RSRC1: variants seen among roughly 807,000 people sequenced by gnomAD.
The protein encoded by RSRC1 is arginine and serine rich coiled-coil 1, also known as serine/Arginine-related protein 53.
Under a neutral mutation model 49.1 loss-of-function variants are expected in RSRC1, and 39 were observed. The observed-to-expected ratio is 0.79, with a 90% CI of 0.61 to 1.04. The LOEUF is 1.04. Among genes scored for constraint, RSRC1 ranks in the 50% least tolerant of loss-of-function variants. The probability of loss-of-function intolerance (pLI) is 0.00; values close to 1 mark genes in which losing one functional copy is unlikely to be tolerated. For missense variants in RSRC1, 388 were observed against 402.4 expected, an observed-to-expected ratio of 0.96 and a Z score of 0.31; for synonymous variants, 143 against 130.8, an observed-to-expected ratio of 1.09 and a Z score of -0.63.
At chr3:158,221,429 A>G (rs1161287438) in intron 4 of RSRC1, among the ~76,000 whole-genome samples, 1 of 151,470 alleles carries the variant, frequency 6.6e-6, no homozygotes, top group Non-Finnish European at 1.5e-5. Flanking sequence ...GGTATGCAGT[A>G]TGCCGATGCT....
intron 3 of RSRC1, among the ~76,000 whole-genome samples, chr3:158,125,570 T>C (rs977939876): frequency 2.0e-5 from 3 of 152,226 alleles, no homozygotes; most frequent in Non-Finnish European, 4.4e-5. Context: ...CATTTCTTTG[T>C]GTTTCGAAAA....
intron 6 of RSRC1, among the ~76,000 whole-genome samples, chr3:158,369,833 G>A (rs1242862457): frequency 6.6e-6 from 1 of 152,040 alleles, no homozygotes; most frequent in East Asian, 1.9e-4. Flanking sequence ...TCCAAGACCT[G>A]TGAATTCAAT....
intron 7 of RSRC1, among the ~76,000 whole-genome samples, chr3:158,486,018 T>C (rs1440306086): frequency 6.6e-6 from 1 of 152,168 alleles, no homozygotes; most frequent in East Asian, 1.9e-4. Flanking sequence ...CAAAAGTGCT[T>C]GCTTGACTAT....
intron 3 of RSRC1, 34 bp from the exon 4 acceptor site, chr3:158,203,038 A>T (rs1170376366): frequency 6.5e-7 from 1 of 1,533,072 alleles, no homozygotes; most frequent in East Asian, 2.3e-5. Context: ...CAAATTATAC[A>T]CTAAGTTTAT....
At chr3:158,425,949 G>A (rs1034091660) in intron 6 of RSRC1, among the ~76,000 whole-genome samples, 1 of 151,670 alleles carries the variant, frequency 6.6e-6, no homozygotes, top group Non-Finnish European at 1.5e-5. Flanking sequence ...AATTAAAATG[G>A]TGTCATCAAT....
At chr3:158,117,100 C>T (rs1445411512) in intron 1 of RSRC1, among the ~76,000 whole-genome samples, 1 of 152,078 alleles carries the variant, frequency 6.6e-6, no homozygotes, top group Non-Finnish European at 1.5e-5. Context: ...TTCATTTTCT[C>T]AGCATTTTAA....
At chr3:158,391,749 T>C (rs1369544335) in intron 6 of RSRC1, among the ~76,000 whole-genome samples, 1 of 151,924 alleles carries the variant, frequency 6.6e-6, no homozygotes, top group East Asian at 1.9e-4. Flanking sequence ...GCAAGAAAAA[T>C]AATAGAGTGG....
At chr3:158,298,481 G>A (rs999699083) in intron 5 of RSRC1, among the ~76,000 whole-genome samples, 1 of 152,066 alleles carries the variant, frequency 6.6e-6, no homozygotes, top group African/African-American at 2.4e-5. Flanking sequence ...TGAAAGAAGT[G>A]CACAGCTTTG....
At chr3:158,145,495 C>T (rs1482614475) in intron 3 of RSRC1, among the ~76,000 whole-genome samples, 1 of 152,142 alleles carries the variant, frequency 6.6e-6, no homozygotes, top group African/African-American at 2.4e-5. Context: ...GGCTATATCT[C>T]TGTTTTGGTA....
intron 3 of RSRC1, among the ~76,000 whole-genome samples, chr3:158,196,668 A>G (rs1344162506): frequency 6.6e-6 from 1 of 152,160 alleles, no homozygotes; most frequent in Non-Finnish European, 1.5e-5. Flanking sequence ...ATTTTGAGAT[A>G]TGTCTCATCA....
At position 158,543,399 on chromosome 3, in the gene RSRC1, A is replaced by G; in HGVS notation, c.824A>G (p.Asp275Gly). 1.2e-6 allele frequency: 2 copies of G among 1,603,750 alleles called. No individual in the cohort carries two copies. The highest frequency in any genetic ancestry group is 1.7e-6 in the Non-Finnish European group (2 of 1,175,478). ...STSGPASAVADPPSTEKEIDP... is the reference protein window; with the variant it reads ...STSGPASAVAGPPSTEKEIDP... ...TCAGGACCAGCATCAGCAGTTGCTGATCCACCCAGTACTGAAAAAGAAATA... is the reference window on the plus strand; with the variant it reads ...TCAGGACCAGCATCAGCAGTTGCTGGTCCACCCAGTACTGAAAAAGAAATA... The change falls in exon 9 of 10, where the codon GAT becomes GGT. Residue 275 changes from aspartate (D) to glycine (G), a missense_variant. Physicochemically the swap from Asp to Gly is moderately conservative, Grantham distance 94. Coordinates refer to ENST00000611884, the MANE Select transcript of RSRC1 (RefSeq NM_001271838.2).
intron 6 of RSRC1, among the ~76,000 whole-genome samples, chr3:158,440,103 T>C (rs1736299973): frequency 6.6e-6 from 1 of 152,160 alleles, no homozygotes; most frequent in Non-Finnish European, 1.5e-5. Flanking sequence ...CTGCACGTTC[T>C]ACTCATGTGT....
At chr3:158,316,438 A>ATTTTTTT (rs564633575) in intron 5 of RSRC1, among the ~76,000 whole-genome samples, 2 of 72,220 alleles carry the variant, frequency 2.8e-5, no homozygotes, top group African/African-American at 6.4e-5. Context: ...AGAATCTCTC[A>ATTTTTTT]TTTTTTTTTT....
At chr3:158,314,127 G>A (rs1264940974) in intron 5 of RSRC1, among the ~76,000 whole-genome samples, 1 of 152,092 alleles carries the variant, frequency 6.6e-6, no homozygotes, top group African/African-American at 2.4e-5. Context: ...TCTCACTCTT[G>A]TTACCCAGGC....
intron 7 of RSRC1, among the ~76,000 whole-genome samples, chr3:158,529,214 G>GTATATA (rs10596761): frequency 3.0e-4 from 43 of 143,132 alleles, no homozygotes; most frequent in African/African-American, 7.4e-4. Flanking sequence ...ATGTGTGTGT[G>GTATATA]TATATATATA....
chr3:158,396,274 A>G (rs1733604876), intron 6 of RSRC1, among the ~76,000 whole-genome samples: 1 of 152,038 alleles, frequency 6.6e-6, no homozygotes, highest in Non-Finnish European at 1.5e-5. Flanking sequence ...TAATCTGTTC[A>G]CCAAACCCCC....
chr3:158,192,556 C>T (rs537391529), intron 3 of RSRC1, among the ~76,000 whole-genome samples: 1 of 152,112 alleles, frequency 6.6e-6, no homozygotes, highest in South Asian at 2.1e-4. Context: ...GTAGATAGTA[C>T]TTGATAGAAG....
At chr3:158,241,224 G>T (rs1723557680) in intron 4 of RSRC1, among the ~76,000 whole-genome samples, 1 of 152,082 alleles carries the variant, frequency 6.6e-6, no homozygotes, top group Admixed American at 6.6e-5. Context: ...AAGGTGGGTG[G>T]ATCACTTGAG....
intron 6 of RSRC1, among the ~76,000 whole-genome samples, chr3:158,360,706 C>A (rs1048994676): frequency 6.6e-6 from 1 of 152,224 alleles, no homozygotes; most frequent in African/African-American, 2.4e-5. Flanking sequence ...TGGTCCCAAC[C>A]CTGCTCTGAG....
Sources: allele counts gnomAD v4.1 joint callset (sites outside exome capture counted in the v4.1 genomes callset), GRCh38; gene constraint gnomAD v4.1.1; transcripts MANE v1.5; gene names NCBI Gene and HGNC (gene_info 2026-07-23, HGNC 2026-07-21).